The following HIVEP1 variants were observed in gnomAD, a reference collection of about 807,000 sequenced individuals.
The protein encoded by HIVEP1 is HIVEP zinc finger 1.
A neutral mutation model predicts 180.0 loss-of-function variants in HIVEP1; 36 were observed. The observed-to-expected ratio is 0.20, with a 90% confidence interval of 0.15 to 0.26. The LOEUF is 0.26. Among genes scored for constraint, HIVEP1 ranks in the 10% least tolerant of loss-of-function variants. HIVEP1 has a pLI of 1.00. For synonymous variants in HIVEP1, 1,239 were observed against 1,239.0 expected (o/e 1.00, Z 0.00); for missense variants, 3,143 against 3,268.7 (o/e 0.96, Z 0.94).
At chr6:12,013,399 C>T (rs1161663925) in intron 1 of HIVEP1, among the ~76,000 whole-genome samples, 2 of 152,190 alleles carry the variant, frequency 1.3e-5, no homozygotes, top group African/African-American at 2.4e-5. Flanking sequence ...TATCACTCGT[C>T]CTAGTCGCTA....
At chr6:12,188,374 C>T in the HIVEP1 span, among the ~76,000 whole-genome samples, 16 of 152,128 alleles carry the variant, frequency 1.1e-4, no homozygotes, top group Admixed American at 9.2e-4. Flanking sequence ...ATGAATAGAT[C>T]GATACTTTCT....
At chr6:12,011,562 A>C (rs1767306683), upstream of HIVEP1, among the ~76,000 whole-genome samples, 1 of 126,974 alleles carries the variant, frequency 7.9e-6, no homozygotes, top group South Asian at 2.6e-4. Flanking sequence ...CCGCGTCCCT[A>C]ACCCCGCCCC....
Position 12,122,577 on chromosome 6 carries a change from G to A in HIVEP1, c.2782G>A (p.Ala928Thr), listed in dbSNP as rs934961916. The change falls in exon 4 of 9, where the codon GCT (alanine) becomes ACT (threonine). Residue 928 changes from alanine to threonine, a missense_variant. This residue lies in a region of HIVEP1 where 204 missense variants were observed against 243.7 expected (regional missense o/e 0.84). Coordinates refer to ENST00000379388, the MANE Select transcript of HIVEP1 (RefSeq NM_002114.4). Reference protein sequence around the residue: ...SLDESHQGCHAAGEAMSVRSK... With the variant: ...SLDESHQGCHTAGEAMSVRSK... ...GGATGAGAGCCACCAAGGATGCCAT[G>A]CTGCTGGTGAAGCCATGTCAGTGAG... 16 of 1,614,102 alleles carry A rather than the reference G, an allele frequency of 9.9e-6. No homozygotes were observed. The Admixed American group carries it at 2.7e-4, about 27-fold the overall frequency.
chr6:12,186,783 T>A, the HIVEP1 span, among the ~76,000 whole-genome samples: 1 of 151,710 alleles, frequency 6.6e-6, no homozygotes, highest in Non-Finnish European at 1.5e-5. Context: ...GAAAATAAGT[T>A]GAAATAAACA....
chr6:12,168,397 ATTT>A (rs1434505218), downstream of HIVEP1, among the ~76,000 whole-genome samples: 1,700 of 130,184 alleles, frequency 0.013, 22 homozygotes, highest in Middle Eastern at 0.028. Flanking sequence ...TATATATAAT[ATTT>A]TATATAATAT....
the HIVEP1 span, among the ~76,000 whole-genome samples, chr6:12,171,839 G>C: frequency 1.3e-5 from 2 of 152,150 alleles, no homozygotes; most frequent in Non-Finnish European, 2.9e-5. Flanking sequence ...CTTCAAGGAA[G>C]ACTGCAAGGT....
downstream of HIVEP1, among the ~76,000 whole-genome samples, chr6:12,167,640 C>CAT (rs142661820): frequency 4.7e-3 from 448 of 95,700 alleles, 9 homozygotes; most frequent in African/African-American, 0.026. Flanking sequence ...GTTATATATA[C>CAT]ATATACATAT....
intron 7 of HIVEP1, among the ~76,000 whole-genome samples, chr6:12,150,388 GT>G (rs1295930528): frequency 9.8e-5 from 15 of 152,332 alleles, no homozygotes; most frequent in Admixed American, 9.8e-4. Flanking sequence ...TAGGAGAACC[GT>G]TTAATATGAC....
At chr6:12,061,208 G>A (rs954188288) in intron 2 of HIVEP1, among the ~76,000 whole-genome samples, 1 of 152,196 alleles carries the variant, frequency 6.6e-6, no homozygotes, top group African/African-American at 2.4e-5. Flanking sequence ...AATGTTGTGT[G>A]TGTTCCCACC....
chr6:12,069,470 T>A (rs111306367), intron 2 of HIVEP1, among the ~76,000 whole-genome samples: 10 of 150,270 alleles, frequency 6.7e-5, no homozygotes, highest in South Asian at 4.2e-4. Flanking sequence ...CTCAATTTTT[T>A]AAAAAATTGT....
chr6:12,124,380 C>T lies in HIVEP1; in HGVS notation c.4585C>T (p.Leu1529=), dbSNP rs1581735169. ...ACCGCCTAGCCACCAGAGCACACAGCTATCTCTGCAAGTGTCTACGCAGGG... is the reference window on the plus strand; with the variant it reads ...ACCGCCTAGCCACCAGAGCACACAGTTATCTCTGCAAGTGTCTACGCAGGG... The part of the protein sequence containing the change: ...HAPPSHQSTQ[L]SLQVSTQGSK... Residue 1529 remains leucine, a synonymous_variant, in exon 4 of 9, where the codon CTA becomes TTA. Coordinates refer to ENST00000379388, the MANE Select transcript of HIVEP1 (RefSeq NM_002114.4). 6.2e-7 allele frequency: 1 copy of T among 1,614,092 alleles called. No individual in the cohort carries two copies. The highest frequency in any genetic ancestry group is 1.6e-4 in the Middle Eastern group (1 of 6,062).
Position 12,164,539 on chromosome 6 carries a change from C to A in HIVEP1, c.*78C>A. 1 of 1,107,368 alleles carries A rather than the reference C, an allele frequency of 9.0e-7. No homozygotes were observed. The highest frequency in any genetic ancestry group is 1.3e-6 in the Non-Finnish European group (1 of 792,850). 68.6% of individuals were successfully genotyped at this position (1,107,368 alleles called of 1,614,324 possible). ...TGAAAACCCTCCTTTCCTTAAAGCA[C>A]ATTTTTCTGACATAAACTCATGACT... On this transcript the variant is annotated 3_prime_UTR_variant, in exon 9 of 9. Coordinates refer to ENST00000379388, the MANE Select transcript of HIVEP1 (RefSeq NM_002114.4).
downstream of HIVEP1, among the ~76,000 whole-genome samples, chr6:12,167,675 T>TATGTGTATAATATATATACATATATAC (rs1760755832): frequency 6.0e-4 from 13 of 21,490 alleles, no homozygotes; most frequent in Non-Finnish European, 8.0e-4. Flanking sequence ...CATATATACA[T>TATGTGTATAATATATATACATATATAC]ATATGTGTAT....
At chr6:12,198,674 C>A in the HIVEP1 span, among the ~76,000 whole-genome samples, 1 of 152,086 alleles carries the variant, frequency 6.6e-6, no homozygotes, top group Non-Finnish European at 1.5e-5. Flanking sequence ...GAGCACAGTA[C>A]ATGTGAGATT....
At chr6:12,174,211 T>C in the HIVEP1 span, among the ~76,000 whole-genome samples, 4 of 152,170 alleles carry the variant, frequency 2.6e-5, no homozygotes, top group Admixed American at 6.5e-5. Flanking sequence ...AATGAAATAA[T>C]ATGCATCATT....
At chr6:12,165,483 CA>C (rs1484525549), downstream of HIVEP1, among the ~76,000 whole-genome samples, 3 of 152,112 alleles carry the variant, frequency 2.0e-5, no homozygotes, top group African/African-American at 7.2e-5. Context: ...ACAGAGTGTC[CA>C]AGATTACCGA....
chr6:12,196,706 G>T, the HIVEP1 span, among the ~76,000 whole-genome samples: 2,283 of 152,172 alleles, frequency 0.015, 79 homozygotes, highest in South Asian at 0.16. Flanking sequence ...TATTGCCCCC[G>T]AAGAGACAGA....
chr6:12,047,514 C>T (rs1026368576), intron 2 of HIVEP1, among the ~76,000 whole-genome samples: 4 of 152,238 alleles, frequency 2.6e-5, no homozygotes, highest in Admixed American at 2.6e-4. Flanking sequence ...GGAGGGGAGA[C>T]AGGTTCATGG....
intron 3 of HIVEP1, among the ~76,000 whole-genome samples, chr6:12,113,399 A>G (rs1227201442): frequency 1.3e-5 from 2 of 151,896 alleles, no homozygotes; most frequent in Non-Finnish European, 2.9e-5. Context: ...CAGGGGCAGC[A>G]ACGAGATGGG....
Sources: allele counts gnomAD v4.1 joint callset (sites outside exome capture counted in the v4.1 genomes callset), GRCh38; gene constraint gnomAD v4.1.1; regional missense constraint gnomAD v4.1.1; transcripts MANE v1.5; gene names NCBI Gene and HGNC (gene_info 2026-07-23, HGNC 2026-07-21).